The following CDC34 variants were observed in gnomAD, a reference collection of about 807,000 sequenced individuals.
CDC34 encodes cell division cycle 34, ubiquitin conjugating enzyme, also known as ubiquitin-conjugating enzyme E2 R1.
A neutral mutation model predicts 26.8 loss-of-function variants in CDC34; 18 were observed. That is an observed-to-expected ratio of 0.67 (90% confidence interval 0.47 to 1.00). CDC34 has a LOEUF of 1.00. Among genes scored for constraint, CDC34 ranks in the 50% least tolerant of loss-of-function variants. The probability of loss-of-function intolerance (pLI) is 0.00; values close to 1 mark genes in which losing one functional copy is unlikely to be tolerated. For missense variants in CDC34, 280 were observed against 334.5 expected (o/e 0.84, Z 1.27); for synonymous variants, 178 against 147.5 (o/e 1.21, Z -1.50).
chr19:532,050 A>G lies in CDC34; in HGVS notation c.119A>G (p.Asn40Ser). The change falls in exon 1 of 5, where the codon AAC becomes AGC. Residue 40 changes from asparagine to serine, a missense_variant. By Grantham distance (46) the Asn-to-Ser change is conservative (BLOSUM62 1). Coordinates refer to ENST00000215574, the MANE Select transcript of CDC34 (RefSeq NM_004359.2). ...CTGGTGGACGAGGGCGATCTATACA[A>G]CTGGGAGGTGGCCATCTTCGGGCCC... ...VTLVDEGDLY[N>S]WEVAIFGPPN... 1 of 1,522,796 alleles carries G rather than the reference A, an allele frequency of 6.6e-7. No homozygotes were observed. The highest frequency in any genetic ancestry group is 8.7e-7 in the Non-Finnish European group (1 of 1,144,256). The allele number at this position is 1,522,796 out of a possible 1,614,324, so 94.3% of individuals were successfully genotyped here. A position where few individuals can be genotyped will look rare whatever the true frequency, so the allele number is the denominator to read the frequency against.
intron 4 of CDC34, among the ~76,000 whole-genome samples, chr19:540,654 C>T (rs372730157): frequency 9.5e-5 from 3 of 31,548 alleles, no homozygotes; most frequent in Non-Finnish European, 2.3e-4. Context: ...CCAGGCCCCC[C>T]GGGTTTAGAA....
In CDC34 at chr19:536,223, C is replaced by T. The variant is rs745639684; in HGVS notation, c.265-20C>T. ...CGTGCTGACCTCTGACCTGTTCTGA[C>T]CTGTCTTCTTCTTGTGCAGACGGGG... is the stretch of plus-strand genomic sequence containing the variant. On this transcript the variant is annotated intron_variant, in intron 2 of 4. Coordinates refer to ENST00000215574, the MANE Select transcript of CDC34 (RefSeq NM_004359.2). 2.6e-5 allele frequency: 41 copies of T among 1,589,572 alleles called. No homozygotes were observed. The highest frequency in any genetic ancestry group is 1.2e-4 in the Admixed American group (7 of 57,322).
chr19:536,252 G>A lies in CDC34; in HGVS notation c.274G>A (p.Val92Met), dbSNP rs765674047. ...TCTTCTTCTTGTGCAGACGGGGGAC[G>A]TGTGTATCTCCATCCTCCACCCGCC... ...WHPNIYETGDVCISILHPPVD... is the reference protein window; with the variant it reads ...WHPNIYETGDMCISILHPPVD... Residue 92 changes from valine to methionine, a missense_variant, in exon 3 of 5, where the codon GTG becomes ATG. Coordinates refer to ENST00000215574, the MANE Select transcript of CDC34 (RefSeq NM_004359.2). 2 of 1,605,512 alleles carry A rather than the reference G, an allele frequency of 1.2e-6. No homozygotes were observed. Among genetic ancestry groups the A allele is most frequent in the Non-Finnish European group, 8.5e-7 (1 of 1,176,692 alleles).
Position 541,610 on chromosome 19 carries a change from A to G in CDC34, c.*58A>G, listed in dbSNP as rs1980022442. The stretch of plus-strand genomic sequence containing the variant: ...ACTAGGGCCGGACCCGTGGCTCCTT[A>G]GACGACAGACTACCTCACGGAGGTT... On this transcript the variant is annotated 3_prime_UTR_variant, in exon 5 of 5. Coordinates refer to ENST00000215574, the MANE Select transcript of CDC34 (RefSeq NM_004359.2). 1.3e-6 allele frequency: 2 copies of G among 1,494,374 alleles called. No individual in the cohort carries two copies. The highest frequency in any genetic ancestry group is 1.4e-5 in the South Asian group (1 of 73,282). 92.6% of individuals were successfully genotyped at this position (1,494,374 alleles called of 1,614,324 possible).
intron 1 of CDC34, among the ~76,000 whole-genome samples, chr19:533,534 T>C (rs2145845451): frequency 6.6e-6 from 1 of 152,358 alleles, no homozygotes; most frequent in South Asian, 2.1e-4. Flanking sequence ...CAAATGGTTT[T>C]AGCAGCTCCT....
At chr19:536,006 A>AC in intron 2 of CDC34, 83 bp downstream of exon 2, 1 of 1,362,700 alleles carries the variant, frequency 7.3e-7, no homozygotes, top group Non-Finnish European at 1.0e-6. Context: ...TCCTTCCGGG[A>AC]CCCGGGGCGC....
intron 1 of CDC34, among the ~76,000 whole-genome samples, chr19:532,902 C>G (rs1979562512): frequency 6.6e-6 from 1 of 152,238 alleles, no homozygotes; most frequent in South Asian, 2.1e-4. Flanking sequence ...GCTCGCTCAT[C>G]CCAGCTGGTC....
chr19:537,079 C>T lies in CDC34; in HGVS notation c.429C>T (p.Asp143=), dbSNP rs772447667. 9.9e-6 allele frequency: 16 copies of T among 1,613,724 alleles called. No individual in the cohort carries two copies. Among genetic ancestry groups the T allele is most frequent in the Admixed American group, 3.3e-5 (2 of 60,010 alleles). The change falls in exon 4 of 5, where the codon GAC becomes GAT. Residue 143 remains aspartate, a synonymous_variant. Transcript: ENST00000215574. The part of the protein sequence containing the change: ...EPNTFSPANV[D]ASVMYRKWKE... ...ACACCTTCTCGCCCGCAAACGTGGA[C>T]GCCTCCGTGATGTACAGGAAGTGGA...
intron 4 of CDC34, among the ~76,000 whole-genome samples, chr19:539,667 C>T (rs1183008028): frequency 1.3e-5 from 2 of 152,186 alleles, no homozygotes; most frequent in East Asian, 1.9e-4. Context: ...AGCCCAGAGC[C>T]GTGCCTGGTC....
chr19:541,365 A>G lies in CDC34; in HGVS notation c.524A>G (p.Asp175Gly), dbSNP rs1267183464. Residue 175 changes from aspartate (D) to glycine (G), a missense_variant, in exon 5 of 5, where the codon GAC (aspartate) becomes GGC (glycine). Physicochemically the swap from Asp to Gly is moderately conservative, Grantham distance 94. Transcript: ENST00000215574. ...IRKQVLGTKV[D>G]AERDGVKVPT... ...AAGCAGGTCCTGGGGACCAAGGTGG[A>G]CGCGGAGCGTGACGGCGTGAAGGTG... 1 of 1,598,236 alleles carries G rather than the reference A, an allele frequency of 6.3e-7. No homozygotes were observed. Among genetic ancestry groups the G allele is most frequent in the Non-Finnish European group, 8.5e-7 (1 of 1,174,654 alleles).
chr19:541,520 G>T lies in CDC34; in HGVS notation c.679G>T (p.Asp227Tyr). 1 of 1,606,216 alleles carries T rather than the reference G, an allele frequency of 6.2e-7. No homozygotes were observed. Among genetic ancestry groups the T allele is most frequent in the Non-Finnish European group, 8.5e-7 (1 of 1,175,458 alleles). ...GGAGGCCGACAGCTGCTTCGGGGAC[G>T]ATGAGGATGACTCTGGCACGGAGGA... ...EEEADSCFGD[D>Y]EDDSGTEES Residue 227 changes from aspartate to tyrosine, a missense_variant, in exon 5 of 5, where the codon GAT becomes TAT. Coordinates refer to ENST00000215574, the MANE Select transcript of CDC34 (RefSeq NM_004359.2).
chr19:541,132 C>A, intron 4 of CDC34: 4 of 618,346 alleles, frequency 6.5e-6, no homozygotes, highest in South Asian at 2.4e-5. Flanking sequence ...GCCTCCCACC[C>A]GCACCTCCTG....
intron 1 of CDC34, among the ~76,000 whole-genome samples, chr19:535,547 A>G (rs967440073): frequency 6.6e-6 from 1 of 152,142 alleles, no homozygotes; most frequent in South Asian, 2.1e-4. Flanking sequence ...GCCTGGAGCC[A>G]CGCGGGCAGC....
intron 1 of CDC34, among the ~76,000 whole-genome samples, chr19:533,459 C>T (rs1979590204): frequency 6.6e-6 from 1 of 152,226 alleles, no homozygotes. Context: ...GTGGGACGCC[C>T]GTGGGTTCTG....
intron 4 of CDC34, among the ~76,000 whole-genome samples, chr19:538,134 G>A (rs1368447159): frequency 1.3e-5 from 2 of 148,424 alleles, no homozygotes; most frequent in Non-Finnish European, 1.5e-5. Context: ...TGACTGTTAG[G>A]GAACATGTGT....
At chr19:534,637 G>A (rs1384601467) in intron 1 of CDC34, among the ~76,000 whole-genome samples, 1 of 53,942 alleles carries the variant, frequency 1.9e-5, no homozygotes, top group African/African-American at 7.3e-5. Flanking sequence ...CAAGACCCCC[G>A]AGTGCCCTCC....
chr19:532,437 C>T lies in CDC34; in HGVS notation c.177+329C>T, dbSNP rs117103061. Among the ~76,000 whole-genome samples, 82 of 152,296 alleles carry T rather than the reference C, an allele frequency of 5.4e-4. No homozygotes were observed. In the East Asian group the frequency reaches 0.015, roughly 28 times the overall value. The stretch of plus-strand genomic sequence containing the variant: ...TAGCATCTGGGCGTGGGGCTCTTGC[C>T]CACCTCCTCCTTGGCGGGGGCTGGA... On this transcript the variant is annotated intron_variant, in intron 1 of 4. Coordinates refer to ENST00000215574, the MANE Select transcript of CDC34 (RefSeq NM_004359.2).
At chr19:536,642 C>T (rs1465794321) in intron 3 of CDC34, 5 of 541,112 alleles carry the variant, frequency 9.2e-6, no homozygotes, top group Non-Finnish European at 1.7e-5. Flanking sequence ...CCTTACCCAG[C>T]CGTCTCTGGG....
At chr19:536,851 C>A in intron 3 of CDC34, 162 bp from the exon 4 acceptor site, 1 of 730,848 alleles carries the variant, frequency 1.4e-6, no homozygotes, top group East Asian at 2.6e-5. Flanking sequence ...GCAGGTCCAG[C>A]CCCTGCTGTT....
Sources: gnomAD v4.1 joint callset for allele counts (sites outside exome capture counted in the v4.1 genomes callset) on GRCh38, gnomAD v4.1.1 for gene constraint, MANE v1.5 for transcripts, NCBI Gene and HGNC (gene_info 2026-07-23, HGNC 2026-07-21) for gene names.